The following GTF2I variants were observed in gnomAD, a reference collection of about 807,000 sequenced individuals.
GTF2I encodes general transcription factor II-I.
GTF2I carries 12 observed loss-of-function variants against 67.6 expected under a neutral mutation model. The ratio of observed to expected loss-of-function variants is 0.18; its 90% CI spans 0.11 to 0.29. The LOEUF is 0.29. Among genes scored for constraint, GTF2I ranks in the 10% least tolerant of loss-of-function variants. GTF2I has a pLI of 1.00. For missense variants in GTF2I, 271 were observed against 580.1 expected, an observed-to-expected ratio of 0.47 and a Z score of 5.47; for synonymous variants, 149 against 197.0, an observed-to-expected ratio of 0.76 and a Z score of 2.04.
At chr7:74,706,482 T>C in intron 8 of GTF2I, 49 bp downstream of exon 8, 1 of 1,378,212 alleles carries the variant, frequency 7.3e-7, no homozygotes, top group Non-Finnish European at 1.0e-6. Context: ...GGAAGACTTT[T>C]CCTTAGTGTA....
At chr7:74,746,108 T>TTTTA in intron 22 of GTF2I, 167 bp downstream of exon 22, 2 of 73,802 alleles carry the variant, frequency 2.7e-5, no homozygotes, top group Admixed American at 3.4e-4. Flanking sequence ...TTTTTTTTTT[T>TTTTA]AAAAAAACAA....
chr7:74,711,648 A>G (rs1791557966), intron 9 of GTF2I, among the ~76,000 whole-genome samples: 1 of 152,100 alleles, frequency 6.6e-6, no homozygotes, highest in African/African-American at 2.4e-5. Context: ...GTTAGTTTGC[A>G]TTTTCTATAA....
intron 3 of GTF2I, among the ~76,000 whole-genome samples, chr7:74,696,972 G>A (rs1788985244): frequency 1.3e-5 from 2 of 152,076 alleles, no homozygotes; most frequent in Non-Finnish European, 2.9e-5. Flanking sequence ...AGTATCATGT[G>A]AGTCTCTCAC....
intron 1 of GTF2I, among the ~76,000 whole-genome samples, chr7:74,674,540 T>C (rs1319647800): frequency 2.0e-5 from 3 of 152,062 alleles, no homozygotes; most frequent in Non-Finnish European, 4.4e-5. Flanking sequence ...TCCTTGCCTC[T>C]CTAATATACT....
rs1177922460 is a variant in GTF2I, at chr7:74,657,972, G to A, written c.-102G>A. 2 of 151,828 alleles carry A rather than the reference G, an allele frequency of 1.3e-5. No homozygotes were observed. Among genetic ancestry groups the A allele is most frequent in the African/African-American group, 4.8e-5 (2 of 41,366 alleles). The allele number at this position is 151,828 out of a possible 1,614,324, so 9.4% of individuals were successfully genotyped here. A position where few individuals can be genotyped will look rare whatever the true frequency, so the allele number is the denominator to read the frequency against. The stretch of plus-strand genomic sequence containing the variant: ...GTCCGCTCGCCAGCTCCCCTCAGCC[G>A]AGGCTGCTCCGCGGCGGCCGCAGCC... On this transcript the variant is annotated 5_prime_UTR_variant, in exon 1 of 35. Transcript: ENST00000573035.
chr7:74,699,222 A>C (rs1789388311), intron 4 of GTF2I, 127 bp downstream of exon 4: 1 of 451,588 alleles, frequency 2.2e-6, no homozygotes, highest in African/African-American at 2.0e-5. Flanking sequence ...GATTAGCAAT[A>C]ACCTTACTTT....
At position 74,711,119 on chromosome 7, in the gene GTF2I, A is replaced by G. The variant is rs182416829; in HGVS notation, c.763+10A>G. 1.8e-5 allele frequency: 21 copies of G among 1,160,466 alleles called. No individual in the cohort carries two copies. The Admixed American group carries it at 4.2e-4, about 23-fold the overall frequency. 71.9% of individuals were successfully genotyped at this position (1,160,466 alleles called of 1,614,324 possible). ...CAATATAACATTCAAGGTAATTTGA[A>G]TTAATGCAATTTTTCTTTCTAAAAA... is the stretch of plus-strand genomic sequence containing the variant. On this transcript the variant is annotated intron_variant, in intron 9 of 34. Transcript: ENST00000573035.
intron 1 of GTF2I, among the ~76,000 whole-genome samples, chr7:74,683,870 A>C (rs1353073488): frequency 1.3e-5 from 2 of 152,128 alleles, no homozygotes; most frequent in African/African-American, 2.4e-5. Context: ...AAGAAAAAAA[A>C]AACTTAAAAA....
At chr7:74,666,601 G>C (rs587755021) in intron 1 of GTF2I, among the ~76,000 whole-genome samples, 4 of 151,990 alleles carry the variant, frequency 2.6e-5, no homozygotes, top group African/African-American at 9.6e-5. Flanking sequence ...CACTTTGGGA[G>C]GCCATGACTC....
intron 1 of GTF2I, among the ~76,000 whole-genome samples, chr7:74,688,380 G>C (rs1787934007): frequency 6.6e-6 from 1 of 152,148 alleles, no homozygotes; most frequent in Non-Finnish European, 1.5e-5. Flanking sequence ...CGCCTGGCCA[G>C]TATGTTTTTA....
intron 9 of GTF2I, among the ~76,000 whole-genome samples, chr7:74,712,316 C>T (rs1791654317): frequency 6.6e-6 from 1 of 152,080 alleles, no homozygotes; most frequent in African/African-American, 2.4e-5. Flanking sequence ...TAGTATTTGT[C>T]TCTTCTCTCC....
chr7:74,670,726 C>G (rs1009128425), intron 1 of GTF2I, among the ~76,000 whole-genome samples: 1 of 150,902 alleles, frequency 6.6e-6, no homozygotes, highest in African/African-American at 2.4e-5. Flanking sequence ...AAAAAAACAC[C>G]TCAAGAACAA....
At chr7:74,659,984 C>T (rs951894481) in intron 1 of GTF2I, among the ~76,000 whole-genome samples, 1 of 152,116 alleles carries the variant, frequency 6.6e-6, no homozygotes, top group Non-Finnish European at 1.5e-5. Flanking sequence ...CCTGCGGAGG[C>T]GGGGTCTTCT....
At chr7:74,673,062 G>A (rs1035624964) in intron 1 of GTF2I, among the ~76,000 whole-genome samples, 3 of 152,038 alleles carry the variant, frequency 2.0e-5, no homozygotes, top group Non-Finnish European at 4.4e-5. Flanking sequence ...GGGTATCACC[G>A]TGTTAGCCAG....
Position 74,711,085 on chromosome 7 carries a change from G to T in GTF2I, c.739G>T (p.Asp247Tyr). The T allele has an allele frequency of 6.7e-7, 1 of 1,497,474 alleles. No individual in the cohort carries two copies. The highest frequency in any genetic ancestry group is 1.2e-5 in the South Asian group (1 of 81,590). The allele number at this position is 1,497,474 out of a possible 1,614,324, so 92.8% of individuals were successfully genotyped here. Reference protein sequence around the residue: ...VTVKEESEDPDYYQYNIQAGP... With the variant: ...VTVKEESEDPYYYQYNIQAGP... ...AGTAAAGGAAGAATCAGAAGATCCT[G>T]ATTATTATCAATATAACATTCAAGG... Residue 247 changes from aspartate (D) to tyrosine (Y), a missense_variant, in exon 9 of 35, where the codon GAT (aspartate) becomes TAT (tyrosine). Coordinates refer to ENST00000573035, the MANE Select transcript of GTF2I (RefSeq NM_032999.4).
At chr7:74,720,218 C>T (rs1169889927) in intron 12 of GTF2I, among the ~76,000 whole-genome samples, 2 of 152,220 alleles carry the variant, frequency 1.3e-5, no homozygotes, top group Non-Finnish European at 2.9e-5. Flanking sequence ...CTCCCCCTCC[C>T]ATAACTGCAC....
At chr7:74,727,601 G>C (rs1794014381) in intron 12 of GTF2I, 1 of 152,058 alleles carries the variant, frequency 6.6e-6, no homozygotes, top group Non-Finnish European at 1.5e-5. Flanking sequence ...CTATGATACT[G>C]TCTTTAACAC....
intron 4 of GTF2I, 117 bp from the exon 5 acceptor site, chr7:74,700,130 G>T: frequency 9.6e-7 from 1 of 1,043,492 alleles, no homozygotes; most frequent in Non-Finnish European, 1.4e-6. Context: ...AATTAATTTT[G>T]AAATCATATA....
intron 1 of GTF2I, among the ~76,000 whole-genome samples, chr7:74,686,600 T>C (rs1475869132): frequency 1.3e-5 from 2 of 152,218 alleles, no homozygotes; most frequent in Non-Finnish European, 2.9e-5. Flanking sequence ...TGTCTAATTA[T>C]AGAAACATAT....
Sources: gnomAD v4.1 joint callset for allele counts (sites outside exome capture counted in the v4.1 genomes callset) on GRCh38, gnomAD v4.1.1 for gene constraint, MANE v1.5 for transcripts, NCBI Gene and HGNC (gene_info 2026-07-23, HGNC 2026-07-21) for gene names.